Variants in BIN3 observed in about 807,000 individuals in gnomAD.
BIN3 encodes bridging integrator 3.
A neutral mutation model predicts 38.2 loss-of-function variants in BIN3; 41 were observed. That is an observed-to-expected ratio of 1.07 (90% confidence interval 0.84 to 1.39). The LOEUF (loss-of-function observed/expected upper bound fraction) is 1.39, where lower values mean the gene tolerates loss of function less well. Among genes scored for constraint, BIN3 ranks in the 40% most tolerant of loss-of-function variants. BIN3 has a pLI of 0.00. For missense variants in BIN3, 361 were observed against 324.3 expected (o/e 1.11, Z -0.87); for synonymous variants, 145 against 122.6 (o/e 1.18, Z -1.21).
intron 1 of BIN3, among the ~76,000 whole-genome samples, chr8:22,652,884 A>G (rs1802947550): frequency 1.3e-5 from 2 of 152,140 alleles, no homozygotes; most frequent in South Asian, 4.1e-4. Flanking sequence ...TGTGATGCAG[A>G]GTTGGTAGCA....
At chr8:22,646,404 C>CA (rs1802716226) in intron 1 of BIN3, among the ~76,000 whole-genome samples, 1 of 152,196 alleles carries the variant, frequency 6.6e-6, no homozygotes, top group Non-Finnish European at 1.5e-5. Flanking sequence ...CTTCCCTCCA[C>CA]ACCCCCTTCT....
chr8:22,644,333 C>G (rs1481852815), intron 2 of BIN3, among the ~76,000 whole-genome samples: 2 of 152,234 alleles, frequency 1.3e-5, no homozygotes, highest in South Asian at 4.1e-4. Context: ...CAGGCCGAGG[C>G]CACTGGGAAA....
Position 22,621,458 on chromosome 8 carries a change from A to G in BIN3, c.726T>C (p.Ser242=), listed in dbSNP as rs779840454. 1 of 1,613,766 alleles carries G rather than the reference A, an allele frequency of 6.2e-7. No homozygotes were observed. The highest frequency in any genetic ancestry group is 1.1e-5 in the South Asian group (1 of 91,078). Residue 242 remains serine, a synonymous_variant, in exon 9 of 9, where the codon AGT becomes AGC. Coordinates refer to ENST00000276416, the MANE Select transcript of BIN3 (RefSeq NM_018688.6). ...QRERENEAKL[S]ELRALSIVAD... ...CCACAATGGAGAGGGCCCGGAGCTCACTGAGTTTGGCCTCGTTCTCCCGCT... is the reference window on the plus strand; with the variant it reads ...CCACAATGGAGAGGGCCCGGAGCTCGCTGAGTTTGGCCTCGTTCTCCCGCT...
intron 6 of BIN3, among the ~76,000 whole-genome samples, chr8:22,627,966 G>A (rs1802058074): frequency 1.3e-5 from 2 of 152,264 alleles, no homozygotes; most frequent in East Asian, 1.9e-4. Context: ...CCAGGCCAGT[G>A]ATCAAAGCAT....
intron 1 of BIN3, among the ~76,000 whole-genome samples, chr8:22,648,813 T>C (rs887937362): frequency 6.6e-6 from 1 of 152,230 alleles, no homozygotes; most frequent in African/African-American, 2.4e-5. Flanking sequence ...ATACATTATT[T>C]TGATGCTCAA....
chr8:22,637,962 T>C (rs1024001200), intron 2 of BIN3, among the ~76,000 whole-genome samples: 4 of 152,154 alleles, frequency 2.6e-5, no homozygotes, highest in East Asian at 1.9e-4. Context: ...GGTCACCCCA[T>C]TGGTGAGGGG....
At chr8:22,628,418 T>C (rs1474560354) in intron 6 of BIN3, among the ~76,000 whole-genome samples, 2 of 152,070 alleles carry the variant, frequency 1.3e-5, no homozygotes, top group African/African-American at 4.8e-5. Flanking sequence ...TTTTATGTGG[T>C]TGGGGGAGAT....
chr8:22,666,599 G>A (rs1803428204), intron 1 of BIN3, among the ~76,000 whole-genome samples: 1 of 152,142 alleles, frequency 6.6e-6, no homozygotes, highest in Non-Finnish European at 1.5e-5. Context: ...GAAGGCAGCA[G>A]GTACCCACTA....
chr8:22,637,669 G>A lies in BIN3; in HGVS notation c.58-707C>T, dbSNP rs182731877. Among the ~76,000 whole-genome samples the A allele has an allele frequency of 3.3e-5, 5 of 152,320 alleles. No individual in the cohort carries two copies. The East Asian group carries it at 7.7e-4, about 24-fold the overall frequency. The stretch of plus-strand genomic sequence containing the variant: ...AAGAAGTCTAGTACTTTCTTCTGGT[G>A]CCTTGACTTCACTATCTGTAAAACG... On this transcript the variant is annotated intron_variant, in intron 2 of 8. Coordinates refer to ENST00000276416, the MANE Select transcript of BIN3 (RefSeq NM_018688.6).
Position 22,636,603 on chromosome 8 carries a change from G to A in BIN3, c.99-17C>T, listed in dbSNP as rs1452588341. On this transcript the variant is annotated splice_polypyrimidine_tract_variant and intron_variant, in intron 3 of 8. Coordinates refer to ENST00000276416, the MANE Select transcript of BIN3 (RefSeq NM_018688.6). ...TCTTCCAGCCTGCAAGGCAGGGGAC[G>A]GGCTGCTTGGGGTCCCCTTCCTTCC... 6 of 1,550,828 alleles carry A rather than the reference G, an allele frequency of 3.9e-6. No homozygotes were observed. In the African/African-American group the frequency reaches 4.1e-5, roughly 11 times the overall value.
intron 1 of BIN3, among the ~76,000 whole-genome samples, chr8:22,667,795 T>A (rs1803471323): frequency 6.6e-6 from 1 of 152,142 alleles, no homozygotes; most frequent in Non-Finnish European, 1.5e-5. Flanking sequence ...CATTTGTCCA[T>A]CAATCTTGGT....
intron 1 of BIN3, among the ~76,000 whole-genome samples, chr8:22,667,089 T>C (rs765973070): frequency 1.7e-4 from 26 of 152,122 alleles, no homozygotes; most frequent in Non-Finnish European, 3.4e-4. Context: ...AGAGATGACG[T>C]AGAAGCCCTT....
rs147282085 is a variant in BIN3, at chr8:22,634,834, G to A, written c.160+1691C>T. Among the ~76,000 whole-genome samples, 35 of 152,288 alleles carry A rather than the reference G, an allele frequency of 2.3e-4. 1 individual carries two copies. In the East Asian group the frequency reaches 6.8e-3, roughly 29 times the overall value. On this transcript the variant is annotated intron_variant, in intron 4 of 8. Transcript: ENST00000276416. ...AATGAGTGGGGCATGGGGAGGCTTC[G>A]CTGTGGAGACAAGGCCCTGGACTTG...
intron 2 of BIN3, among the ~76,000 whole-genome samples, chr8:22,642,391 C>G (rs1802592181): frequency 6.6e-6 from 1 of 152,232 alleles, no homozygotes; most frequent in South Asian, 2.1e-4. Context: ...ACTACTTCTA[C>G]TTCAGTGCCT....
chr8:22,640,017 G>C (rs1279148442), intron 2 of BIN3, among the ~76,000 whole-genome samples: 4 of 151,258 alleles, frequency 2.6e-5, no homozygotes, highest in African/African-American at 4.9e-5. Flanking sequence ...ATGTGCCACC[G>C]CGCCTGGCTA....
intron 1 of BIN3, among the ~76,000 whole-genome samples, chr8:22,650,792 C>T (rs1024019713): frequency 6.6e-6 from 1 of 152,122 alleles, no homozygotes; most frequent in East Asian, 1.9e-4. Context: ...CTTTTTACTT[C>T]GGAAGATGAA....
rs749669918 is a variant in BIN3 at position 22,624,048 on chromosome 8, G to A, written c.482C>T (p.Ala161Val). 1 of 1,609,524 alleles carries A rather than the reference G, an allele frequency of 6.2e-7. No homozygotes were observed. Among genetic ancestry groups the A allele is most frequent in the Non-Finnish European group, 8.5e-7 (1 of 1,177,790 alleles). ...CCGCACAGGCCGCAGCTCCTCTCGT[G>A]CCTAGGGAACAAGACCTGGGTGTCA... ...TGPVLAKLHQAREELRPVRED... is the reference protein window; with the variant it reads ...TGPVLAKLHQVREELRPVRED... The change falls in exon 8 of 9, where the codon GCA (alanine) becomes GTA (valine). Residue 161 changes from alanine to valine, a missense_variant and splice_region_variant. Transcript: ENST00000276416.
chr8:22,624,355 C>G lies in BIN3; in HGVS notation c.347G>C (p.Ser116Thr). 1 of 1,612,232 alleles carries G rather than the reference C, an allele frequency of 6.2e-7. No homozygotes were observed. Among genetic ancestry groups the G allele is most frequent in the Non-Finnish European group, 8.5e-7 (1 of 1,178,958 alleles). Residue 116 changes from serine to threonine, a missense_variant, in exon 7 of 9, where the codon AGT (serine) becomes ACT (threonine). Coordinates refer to ENST00000276416, the MANE Select transcript of BIN3 (RefSeq NM_018688.6). ...AGCCATGTTGAGGCTCGGGAAGACA[C>G]TGCCGAACCTGTGGGACAAGCTGGC... ...TVIEPLKKFG[S>T]VFPSLNMAVK...
At chr8:22,638,528 C>T (rs1335510507) in intron 2 of BIN3, among the ~76,000 whole-genome samples, 1 of 152,158 alleles carries the variant, frequency 6.6e-6, no homozygotes, top group Non-Finnish European at 1.5e-5. Context: ...AGACATGGGC[C>T]CTGGTGGTGG....
Sources: gnomAD v4.1 joint callset for allele counts (sites outside exome capture counted in the v4.1 genomes callset) on GRCh38, gnomAD v4.1.1 for gene constraint, MANE v1.5 for transcripts, NCBI Gene and HGNC (gene_info 2026-07-23, HGNC 2026-07-21) for gene names.